TRIM72: variants seen among roughly 807,000 people sequenced by gnomAD.
TRIM72 encodes the protein tripartite motif-containing protein 72.
TRIM72 carries 33 observed loss-of-function variants against 31.6 expected under a neutral mutation model. That is an observed-to-expected ratio of 1.04 (90% CI 0.79 to 1.40). TRIM72 has a LOEUF of 1.40. Among genes scored for constraint, TRIM72 ranks in the 40% most tolerant of loss-of-function variants. The probability of loss-of-function intolerance (pLI) is 0.00; values close to 1 mark genes in which losing one functional copy is unlikely to be tolerated. For missense variants in TRIM72, 666 were observed against 682.7 expected, an observed-to-expected ratio of 0.98 and a Z score of 0.27; for synonymous variants, 301 against 314.4, an observed-to-expected ratio of 0.96 and a Z score of 0.45.
rs188949092 is a variant in TRIM72 at position 31,225,297 on chromosome 16, G to A, written c.*542G>A. On this transcript the variant is annotated 3_prime_UTR_variant, in exon 7 of 7. Coordinates refer to ENST00000322122, the MANE Select transcript of TRIM72 (RefSeq NM_001008274.4). Reference sequence around the variant, plus strand: ...GTGGGGTAGGGAGATCTGGAGTCAGGTCAGTGGGGAAATCAGAATTTGGGA... The same window carrying A: ...GTGGGGTAGGGAGATCTGGAGTCAGATCAGTGGGGAAATCAGAATTTGGGA... 4 of 152,404 alleles carry A rather than the reference G, an allele frequency of 2.6e-5. No homozygotes were observed. The highest frequency in any genetic ancestry group is 9.6e-5 in the African/African-American group (4 of 41,518). 9.4% of individuals were successfully genotyped at this position (152,404 alleles called of 1,614,324 possible).
intron 1 of TRIM72, 25 bp from the exon 2 acceptor site, chr16:31,214,707 C>G: frequency 6.5e-7 from 1 of 1,543,184 alleles, no homozygotes; most frequent in Non-Finnish European, 8.6e-7. Flanking sequence ...GCGGGGTCCC[C>G]CTAACCTACT....
rs1277881435 is a variant in TRIM72, at chr16:31,214,769, G to T, written c.31G>T (p.Glu11Ter). The T allele has an allele frequency of 6.3e-7, 1 of 1,579,816 alleles. No homozygotes were observed. The highest frequency in any genetic ancestry group is 8.5e-7 in the Non-Finnish European group (1 of 1,172,700). MSAAPGLLHQ[E>*]LSCPLCLQLF... Reference sequence around the variant, plus strand: ...GGCTGCGCCCGGCCTCCTGCACCAGGAGCTGTCCTGCCCGCTGTGCCTGCA... The same window carrying T: ...GGCTGCGCCCGGCCTCCTGCACCAGTAGCTGTCCTGCCCGCTGTGCCTGCA... Residue 11 changes from glutamate to a stop codon, truncating the protein, a stop_gained, in exon 2 of 7, where the codon GAG (glutamate) becomes TAG (stop). Transcript: ENST00000322122. LOFTEE classifies it high-confidence loss of function.
Position 31,224,525 on chromosome 16 carries a change from G to T in TRIM72, c.1204G>T (p.Ala402Ser). 1 of 1,514,002 alleles carries T rather than the reference G, an allele frequency of 6.6e-7. No homozygotes were observed. Among genetic ancestry groups the T allele is most frequent in the Non-Finnish European group, 8.8e-7 (1 of 1,136,008 alleles). 93.8% of individuals were successfully genotyped at this position (1,514,002 alleles called of 1,614,324 possible). Residue 402 changes from alanine (A) to serine (S), a missense_variant, in exon 7 of 7, where the codon GCT (alanine) becomes TCT (serine). Coordinates refer to ENST00000322122, the MANE Select transcript of TRIM72 (RefSeq NM_001008274.4). Reference sequence around the variant, plus strand: ...ACACGTGGAGGCCAAGGAGCCGCGCGCTCTGCGCAGCCCCGAGAGGCGGCC... The same window carrying T: ...ACACGTGGAGGCCAAGGAGCCGCGCTCTCTGCGCAGCCCCGAGAGGCGGCC... ...EAHVEAKEPR[A>S]LRSPERRPTR...
chr16:31,216,638 G>T lies in TRIM72; in HGVS notation c.390+1510G>T. The stretch of plus-strand genomic sequence containing the variant: ...AGGGGCTGGCCGGAGGTCTGAGGGA[G>T]GACCCCAGGAGGGACCCTGAAGGAG... On this transcript the variant is annotated intron_variant, in intron 2 of 6. Coordinates refer to ENST00000322122, the MANE Select transcript of TRIM72 (RefSeq NM_001008274.4). The surrounding 1 kb of genome is among the most constrained non-coding windows in gnomAD (Gnocchi z 6.7). The T allele has an allele frequency of 8.1e-7, 1 of 1,233,196 alleles. No homozygotes were observed. 76.4% of individuals were successfully genotyped at this position (1,233,196 alleles called of 1,614,324 possible). A position where few individuals can be genotyped will look rare whatever the true frequency, so the allele number is the denominator to read the frequency against.
In TRIM72 at chr16:31,222,897, G is replaced by C; in HGVS notation, c.811G>C (p.Asp271His). 6.4e-7 allele frequency: 1 copy of C among 1,553,750 alleles called. No individual in the cohort carries two copies. Among genetic ancestry groups the C allele is most frequent in the Non-Finnish European group, 8.7e-7 (1 of 1,154,264 alleles). The change falls in exon 6 of 7, where the codon GAC (aspartate) becomes CAC (histidine). Residue 271 changes from aspartate (D) to histidine (H), a missense_variant. Coordinates refer to ENST00000322122, the MANE Select transcript of TRIM72 (RefSeq NM_001008274.4). ...CATCCAGCTGCCAATTATCTCAGAT[G>C]ACTTCAAATTCCAGGTGTGGAGGAA... The part of the protein sequence containing the change: ...LDIQLPIISD[D>H]FKFQVWRKMF...
At position 31,216,088 on chromosome 16, in the gene TRIM72, T is replaced by A. The variant is rs1263623545; in HGVS notation, c.390+960T>A. On this transcript the variant is annotated intron_variant, in intron 2 of 6. Coordinates refer to ENST00000322122, the MANE Select transcript of TRIM72 (RefSeq NM_001008274.4). This position sits in a 1 kb window ranked among gnomAD's most constrained non-coding sequence, Gnocchi z 6.7. ...CGAGGTGGAGACACTGCTGTTGTCT[T>A]ACGCGACTGGTGCGCGCGTGGGGCT... is the stretch of plus-strand genomic sequence containing the variant. 6.6e-6 allele frequency: 1 copy of A among 152,340 alleles called. No individual in the cohort carries two copies. The highest frequency in any genetic ancestry group is 1.5e-5 in the Non-Finnish European group (1 of 68,134). 9.4% of individuals were successfully genotyped at this position (152,340 alleles called of 1,614,324 possible). A position where few individuals can be genotyped will look rare whatever the true frequency, so the allele number is the denominator to read the frequency against.
At position 31,227,182 on chromosome 16, in the gene TRIM72, A is replaced by G. The variant is rs2079557485; in HGVS notation, c.*2427A>G. On this transcript the variant is annotated 3_prime_UTR_variant, in exon 7 of 7. Coordinates refer to ENST00000322122, the MANE Select transcript of TRIM72 (RefSeq NM_001008274.4). ...CTGACTCCTTCCTCATTAAATCCAC[A>G]TGAAAAGACATGTGACCTACTGCAA... The G allele has an allele frequency of 6.6e-6, 1 of 152,242 alleles. No homozygotes were observed. Among genetic ancestry groups the G allele is most frequent in the Non-Finnish European group, 1.5e-5 (1 of 68,048 alleles). The allele number at this position is 152,242 out of a possible 1,614,324, so 9.4% of individuals were successfully genotyped here. A position where few individuals can be genotyped will look rare whatever the true frequency, so the allele number is the denominator to read the frequency against.
Position 31,224,545 on chromosome 16 carries a change from G to A in TRIM72, c.1224G>A (p.Arg408=). The change falls in exon 7 of 7, where the codon AGG becomes AGA. Residue 408 remains arginine, a synonymous_variant. Transcript: ENST00000322122. ...KEPRALRSPE[R]RPTRIGLYLS... Reference sequence around the variant, plus strand: ...CGCGCGCTCTGCGCAGCCCCGAGAGGCGGCCCACGCGCATTGGCCTTTACC... The same window carrying A: ...CGCGCGCTCTGCGCAGCCCCGAGAGACGGCCCACGCGCATTGGCCTTTACC... 6.5e-7 allele frequency: 1 copy of A among 1,529,566 alleles called. No homozygotes were observed. Among genetic ancestry groups the A allele is most frequent in the Non-Finnish European group, 8.8e-7 (1 of 1,142,440 alleles). The allele number at this position is 1,529,566 out of a possible 1,614,324, so 94.7% of individuals were successfully genotyped here.
chr16:31,215,238 T>G lies in TRIM72; in HGVS notation c.390+110T>G. 2 of 1,183,862 alleles carry G rather than the reference T, an allele frequency of 1.7e-6. No individual in the cohort carries two copies. Among genetic ancestry groups the G allele is most frequent in the African/African-American group, 1.6e-5 (1 of 61,830 alleles). The allele number at this position is 1,183,862 out of a possible 1,614,324, so 73.3% of individuals were successfully genotyped here. On this transcript the variant is annotated intron_variant, in intron 2 of 6. Coordinates refer to ENST00000322122, the MANE Select transcript of TRIM72 (RefSeq NM_001008274.4). The surrounding 1 kb of genome is among the most constrained non-coding windows in gnomAD (Gnocchi z 6.3). ...TGAGTCTCTAGAGAGGCTCACGAGC[T>G]CCTGGAGTTGCGGGGGGCGGGGGCG... is the stretch of plus-strand genomic sequence containing the variant.
rs779872702 is a variant in TRIM72 at position 31,216,979 on chromosome 16, G to A, written c.390+1851G>A. On this transcript the variant is annotated intron_variant, in intron 2 of 6. Coordinates refer to ENST00000322122, the MANE Select transcript of TRIM72 (RefSeq NM_001008274.4). The surrounding 1 kb of genome is among the most constrained non-coding windows in gnomAD (Gnocchi z 6.7). The stretch of plus-strand genomic sequence containing the variant: ...CATCTTGAACTTCTTGAGCTCCTCC[G>A]GTGTCAGGTTCTCCAGCACCTTCAG... 8.1e-6 allele frequency: 13 copies of A among 1,614,092 alleles called. No individual in the cohort carries two copies. The Middle Eastern group carries it at 5.0e-4, about 61-fold the overall frequency.
At chr16:31,221,411 CTGCTGGGAGAAGGGCAT>C (rs2079532850) in intron 5 of TRIM72, among the ~76,000 whole-genome samples, 2 of 86,876 alleles carry the variant, frequency 2.3e-5, no homozygotes, top group South Asian at 4.3e-4. Flanking sequence ...GAGAAGGGCA[CTGCTGGGAGAAGGGCAT>C]TGCTGGGAGA....
At position 31,224,266 on chromosome 16, in the gene TRIM72, G is replaced by C. The variant is rs1433812053; in HGVS notation, c.945G>C (p.Glu315Asp). 2 of 1,604,224 alleles carry C rather than the reference G, an allele frequency of 1.2e-6. No individual in the cohort carries two copies. The highest frequency in any genetic ancestry group is 3.3e-5 in the Admixed American group (2 of 59,792). Residue 315 changes from glutamate to aspartate, a missense_variant, in exon 7 of 7, where the codon GAG becomes GAC. By Grantham distance (45) the Glu-to-Asp change is conservative (BLOSUM62 2). Transcript: ENST00000322122. The part of the protein sequence containing the change: ...SSSGRRVECS[E>D]QKAPPAGEDP... ...CTGGCCGCCGCGTGGAGTGCTCGGA[G>C]CAGAAGGCGCCGCCGGCCGGGGAGG...
At chr16:31,222,261 T>C (rs113972715) in intron 5 of TRIM72, among the ~76,000 whole-genome samples, 4,583 of 151,792 alleles carry the variant, frequency 0.03, 210 homozygotes, top group African/African-American at 0.099. Context: ...GGCATGGTGG[T>C]AGGCGCCTAT....
chr16:31,224,179 A>T lies in TRIM72; in HGVS notation c.860-2A>T. 1 of 1,601,716 alleles carries T rather than the reference A, an allele frequency of 6.2e-7. No homozygotes were observed. The highest frequency in any genetic ancestry group is 8.5e-7 in the Non-Finnish European group (1 of 1,179,726). On this transcript the variant is annotated splice_acceptor_variant, in intron 6 of 6. Transcript: ENST00000322122. LOFTEE classifies it high-confidence loss of function. ...GTTTTCTGACCGTGTTCTCTCTGGC[A>T]GCGCTGGAGGAGCTGACCTTTGACC...
chr16:31,217,803 TG>T (rs2079517199), intron 2 of TRIM72, among the ~76,000 whole-genome samples: 1 of 152,078 alleles, frequency 6.6e-6, no homozygotes, highest in Admixed American at 6.6e-5. Context: ...TTAGTAGAAA[TG>T]GGGTTTCACT....
Position 31,214,812 on chromosome 16 carries a change from T to C in TRIM72, c.74T>C (p.Val25Ala). ...TGCCTGCAGCTGTTCGACGCGCCCG[T>C]GACAGCCGAGTGCGGCCACAGTTTC... is the stretch of plus-strand genomic sequence containing the variant. ...PLCLQLFDAP[V>A]TAECGHSFCR... is the part of the protein sequence containing the mutation. The change falls in exon 2 of 7, where the codon GTG (valine) becomes GCG (alanine). Residue 25 changes from valine to alanine, a missense_variant. Coordinates refer to ENST00000322122, the MANE Select transcript of TRIM72 (RefSeq NM_001008274.4). 3 of 1,573,500 alleles carry C rather than the reference T, an allele frequency of 1.9e-6. No homozygotes were observed. Among genetic ancestry groups the C allele is most frequent in the Non-Finnish European group, 2.6e-6 (3 of 1,169,696 alleles).
Position 31,215,246 on chromosome 16 carries a change from T to G in TRIM72, c.390+118T>G, listed in dbSNP as rs2079502302. On this transcript the variant is annotated intron_variant, in intron 2 of 6. Transcript: ENST00000322122. This position sits in a 1 kb window ranked among gnomAD's most constrained non-coding sequence, Gnocchi z 6.3. ...TAGAGAGGCTCACGAGCTCCTGGAG[T>G]TGCGGGGGGCGGGGGCGGGGCGAAG... 1.3e-5 allele frequency: 14 copies of G among 1,082,266 alleles called. No individual in the cohort carries two copies. The highest frequency in any genetic ancestry group is 1.7e-5 in the African/African-American group (1 of 59,328). The allele number at this position is 1,082,266 out of a possible 1,614,324, so 67.0% of individuals were successfully genotyped here.
At chr16:31,220,978 G>T in intron 5 of TRIM72, 60 bp downstream of exon 5, 1 of 1,604,462 alleles carries the variant, frequency 6.2e-7, no homozygotes, top group Non-Finnish European at 8.5e-7. Context: ...AGGGACACCA[G>T]CCGGCTCACT....
chr16:31,223,505 A>G (rs2079542541), intron 6 of TRIM72, among the ~76,000 whole-genome samples: 1 of 152,212 alleles, frequency 6.6e-6, no homozygotes, highest in African/African-American at 2.4e-5. Flanking sequence ...AGATAAAACT[A>G]AGGCTCAGAG....
Sources: gnomAD v4.1 joint callset for allele counts (sites outside exome capture counted in the v4.1 genomes callset) on GRCh38, gnomAD v4.1.1 for gene constraint, Gnocchi (gnomAD v3.1) non-coding constraint, MANE v1.5 for transcripts, NCBI Gene and HGNC (gene_info 2026-07-23, HGNC 2026-07-21) for gene names.